KANSL1L: variants seen among roughly 807,000 people sequenced by gnomAD.
KANSL1L encodes the protein KAT8 regulatory NSL complex subunit 1-like protein.
Under a neutral mutation model 108.6 loss-of-function variants are expected in KANSL1L, and 25 were observed. The observed-to-expected ratio is 0.23, with a 90% CI of 0.17 to 0.32. The LOEUF is 0.32. KANSL1L is among the 10% of genes least tolerant of loss of function. KANSL1L has a pLI of 1.00. For missense variants in KANSL1L, 1,137 were observed against 1,125.7 expected, an observed-to-expected ratio of 1.01 and a Z score of -0.14; for synonymous variants, 405 against 395.1, an observed-to-expected ratio of 1.03 and a Z score of -0.30.
chr2:210,027,110 G>A (rs1260465315), intron 12 of KANSL1L, among the ~76,000 whole-genome samples, 186 bp downstream of exon 12: 1 of 152,044 alleles, frequency 6.6e-6, no homozygotes, highest in Non-Finnish European at 1.5e-5. Context: ...TATTATGCTG[G>A]TAGTCAAATT....
intron 1 of KANSL1L, among the ~76,000 whole-genome samples, chr2:210,162,088 T>TACAC (rs1184029126): frequency 1.4e-5 from 2 of 148,072 alleles, no homozygotes; most frequent in African/African-American, 4.9e-5. Context: ...TATATATATA[T>TACAC]ACACACACAC....
intron 6 of KANSL1L, among the ~76,000 whole-genome samples, chr2:210,052,997 G>A (rs187856162): frequency 3.3e-5 from 5 of 152,084 alleles, no homozygotes; most frequent in Non-Finnish European, 5.9e-5. Context: ...TCAACTTGGC[G>A]GGCTTAACCT....
chr2:210,118,007 T>C (rs1030177510), intron 3 of KANSL1L, among the ~76,000 whole-genome samples: 1 of 150,314 alleles, frequency 6.7e-6, no homozygotes, highest in African/African-American at 2.5e-5. Flanking sequence ...CTACTAAAAA[T>C]ACAAAAAAAT....
Position 210,031,457 on chromosome 2 carries a change from C to T in KANSL1L, c.2119G>A (p.Gly707Arg), listed in dbSNP as rs749821746. 58 of 1,601,058 alleles carry T rather than the reference C, an allele frequency of 3.6e-5. No individual in the cohort carries two copies. Among genetic ancestry groups the T allele is most frequent in the Non-Finnish European group, 4.8e-5 (56 of 1,169,812 alleles). The change falls in exon 9 of 15, where the codon GGA (glycine) becomes AGA (arginine). Residue 707 changes from glycine to arginine, a missense_variant. This residue lies in a region of KANSL1L where 575 missense variants were observed against 567.1 expected (regional missense o/e 1.01). Transcript: ENST00000281772. ...RSESSAQLLQGRKKRHLSETA... is the reference protein window; with the variant it reads ...RSESSAQLLQRRKKRHLSETA... ...TCACTCAAATGTCTTTTCTTTCTTC[C>T]CTGTAACAGTTGTGCAGAAGATTCT... is the stretch of plus-strand genomic sequence containing the variant.
chr2:210,109,130 T>C (rs1031484742), intron 3 of KANSL1L, among the ~76,000 whole-genome samples: 10 of 152,150 alleles, frequency 6.6e-5, no homozygotes, highest in Admixed American at 5.2e-4. Context: ...CTCTGACCCA[T>C]AAGTATTCTC....
At chr2:210,145,961 C>G (rs745696376) in intron 2 of KANSL1L, among the ~76,000 whole-genome samples, 4 of 151,460 alleles carry the variant, frequency 2.6e-5, no homozygotes, top group Non-Finnish European at 5.9e-5. Flanking sequence ...GGGTGGTGGT[C>G]CCAGTCCTGG....
upstream of KANSL1L, chr2:210,171,626 C>T (rs1362515493): frequency 6.6e-6 from 1 of 152,474 alleles, no homozygotes; most frequent in Non-Finnish European, 1.5e-5. Flanking sequence ...CTGCTTCCTC[C>T]CTTCTCTTTC....
chr2:210,086,976 T>A (rs981364938), intron 5 of KANSL1L, among the ~76,000 whole-genome samples: 1 of 151,830 alleles, frequency 6.6e-6, no homozygotes, highest in Non-Finnish European at 1.5e-5. Flanking sequence ...CAAAAAGAGA[T>A]CTCAGTAAGT....
intron 6 of KANSL1L, among the ~76,000 whole-genome samples, chr2:210,073,006 A>G (rs1385915336): frequency 1.3e-5 from 2 of 152,172 alleles, no homozygotes; most frequent in Non-Finnish European, 2.9e-5. Context: ...ATCTATCATC[A>G]GTATGGACTC....
chr2:210,120,179 C>G (rs991888044), intron 3 of KANSL1L, among the ~76,000 whole-genome samples: 5 of 152,134 alleles, frequency 3.3e-5, no homozygotes, highest in Non-Finnish European at 5.9e-5. Flanking sequence ...TGCCTCAGCT[C>G]AGGAGTTCGA....
chr2:210,113,773 A>G (rs2094930140), intron 3 of KANSL1L, among the ~76,000 whole-genome samples: 1 of 152,218 alleles, frequency 6.6e-6, no homozygotes, highest in Admixed American at 6.5e-5. Flanking sequence ...CTAGAGCTGA[A>G]AAGTATAATA....
chr2:210,107,957 C>T (rs570330429), intron 3 of KANSL1L, among the ~76,000 whole-genome samples: 2 of 152,280 alleles, frequency 1.3e-5, no homozygotes, highest in South Asian at 2.1e-4. Flanking sequence ...AAAACAGCAT[C>T]TCTCAATCTC....
intron 2 of KANSL1L, among the ~76,000 whole-genome samples, chr2:210,141,373 G>A (rs535897577): frequency 2.6e-5 from 4 of 152,094 alleles, no homozygotes; most frequent in Non-Finnish European, 5.9e-5. Context: ...ATGGCCTTAA[G>A]AGGGTGAGCC....
chr2:210,051,236 T>C (rs1216540647), intron 6 of KANSL1L, among the ~76,000 whole-genome samples: 1 of 152,188 alleles, frequency 6.6e-6, no homozygotes, highest in Non-Finnish European at 1.5e-5. Context: ...CTACCCTCCT[T>C]CCCTTCTCTT....
chr2:210,113,034 A>T (rs913207744), intron 3 of KANSL1L, among the ~76,000 whole-genome samples: 1 of 152,200 alleles, frequency 6.6e-6, no homozygotes, highest in Non-Finnish European at 1.5e-5. Context: ...GGTAGGGGAA[A>T]AGGACCCTGT....
intron 2 of KANSL1L, among the ~76,000 whole-genome samples, chr2:210,133,975 T>C (rs2095151038): frequency 1.3e-5 from 2 of 152,078 alleles, no homozygotes; most frequent in East Asian, 3.9e-4. Context: ...ACTGACAACT[T>C]CTCTCTATTT....
chr2:210,029,694 A>C, intron 10 of KANSL1L, 109 bp downstream of exon 10: 1 of 493,910 alleles, frequency 2.0e-6, no homozygotes, highest in Non-Finnish European at 3.5e-6. Context: ...AATGTCTGTT[A>C]ATATGTGCTA....
chr2:210,067,420 T>A (rs895186022), intron 6 of KANSL1L, among the ~76,000 whole-genome samples: 1 of 152,094 alleles, frequency 6.6e-6, no homozygotes, highest in East Asian at 1.9e-4. Context: ...TATGTTAGTC[T>A]GGGTGCAGTG....
intron 2 of KANSL1L, among the ~76,000 whole-genome samples, chr2:210,131,038 G>C (rs907922240): frequency 6.6e-6 from 1 of 152,186 alleles, no homozygotes; most frequent in African/African-American, 2.4e-5. Context: ...GGAGCCATTT[G>C]ACTAGTTCTG....
Sources: gnomAD v4.1 joint callset for allele counts (sites outside exome capture counted in the v4.1 genomes callset) on GRCh38, gnomAD v4.1.1 for gene constraint, gnomAD v4.1.1 regional missense constraint, MANE v1.5 for transcripts, NCBI Gene and HGNC (gene_info 2026-07-23, HGNC 2026-07-21) for gene names.